Variants in PJA2 observed in about 807,000 individuals in gnomAD.
The protein encoded by PJA2 is praja ring finger ubiquitin ligase 2, also known as E3 ubiquitin-protein ligase Praja-2.
In PJA2, 25 loss-of-function variants were observed where a neutral mutation model predicts 69.3. The ratio of observed to expected loss-of-function variants is 0.36; its 90% confidence interval spans 0.26 to 0.50. The LOEUF (loss-of-function observed/expected upper bound fraction) is 0.50, where lower values mean the gene tolerates loss of function less well. Ranked by LOEUF, PJA2 falls within the 20% of genes least tolerant of loss-of-function variation. PJA2 has a pLI of 0.96. For missense variants in PJA2, 809 were observed against 830.2 expected (o/e 0.97, Z 0.31); for synonymous variants, 308 against 277.8 (o/e 1.11, Z -1.08).
intron 1 of PJA2, among the ~76,000 whole-genome samples, chr5:109,384,000 T>C (rs1422149433): frequency 1.3e-5 from 2 of 152,196 alleles, no homozygotes; most frequent in Admixed American, 1.3e-4. Flanking sequence ...AATACCAAAA[T>C]GGCTATGTGA....
chr5:109,362,389 T>C (rs977536098), intron 6 of PJA2, among the ~76,000 whole-genome samples: 3 of 130,246 alleles, frequency 2.3e-5, no homozygotes, highest in Non-Finnish European at 4.8e-5. Context: ...TCCTGGAAAG[T>C]AAAATTTTAT....
Position 109,378,308 on chromosome 5 carries a change from T to C in PJA2, c.1179A>G (p.Gln393=), listed in dbSNP as rs1169399474. The C allele has an allele frequency of 2.5e-6, 4 of 1,614,026 alleles. No homozygotes were observed. In the African/African-American group the frequency reaches 4.0e-5, roughly 16 times the overall value. Residue 393 remains glutamine, a synonymous_variant, in exon 4 of 10, where the codon CAA becomes CAG. Transcript: ENST00000361189. The part of the protein sequence containing the change: ...VITQRETENN[Q]MTSESGATAG... ...CTGTGGCTCCACTTTCTGATGTCAT[T>C]TGGTTATTTTCTGTTTCCCTTTGTG... is the stretch of plus-strand genomic sequence containing the variant.
At position 109,378,281 on chromosome 5, in the gene PJA2, T is replaced by A; in HGVS notation, c.1206A>T (p.Ala402=). 6.2e-7 allele frequency: 1 copy of A among 1,613,886 alleles called. No individual in the cohort carries two copies. Among genetic ancestry groups the A allele is most frequent in the Non-Finnish European group, 8.5e-7 (1 of 1,179,890 alleles). The change falls in exon 4 of 10, where the codon GCA becomes GCT. Residue 402 remains alanine (A), a synonymous_variant. Coordinates refer to ENST00000361189, the MANE Select transcript of PJA2 (RefSeq NM_014819.5). ...AGGTGTTATCCACCTCTTGCCTTCCTGCTGTGGCTCCACTTTCTGATGTCA... is the reference window on the plus strand; with the variant it reads ...AGGTGTTATCCACCTCTTGCCTTCCAGCTGTGGCTCCACTTTCTGATGTCA... ...NQMTSESGAT[A]GRQEVDNTFW...
intron 7 of PJA2, among the ~76,000 whole-genome samples, chr5:109,354,387 T>G (rs1317283266): frequency 7.2e-6 from 1 of 138,640 alleles, no homozygotes; most frequent in African/African-American, 2.9e-5. Flanking sequence ...AGATTAGATA[T>G]CTCTGATATC....
intron 1 of PJA2, among the ~76,000 whole-genome samples, chr5:109,406,394 C>T (rs750205146): frequency 1.3e-4 from 20 of 152,138 alleles, no homozygotes; most frequent in Admixed American, 1.0e-3. Context: ...ACAGATACTT[C>T]ACAAAGGAAG....
At position 109,381,624 on chromosome 5, in the gene PJA2, T is replaced by G; in HGVS notation, c.111A>C (p.Gly37=). 3.1e-6 allele frequency: 5 copies of G among 1,614,118 alleles called. No individual in the cohort carries two copies. The highest frequency in any genetic ancestry group is 4.2e-6 in the Non-Finnish European group (5 of 1,180,002). ...TAAAACTGACATAAGCATGTCTTCTTCCATATCTCCTGCCTGTAATTGTCT... is the reference window on the plus strand; with the variant it reads ...TAAAACTGACATAAGCATGTCTTCTGCCATATCTCCTGCCTGTAATTGTCT... The part of the protein sequence containing the change: ...GYQTITGRRY[G]RRHAYVSFKP... Residue 37 remains glycine, a synonymous_variant, in exon 3 of 10, where the codon GGA becomes GGC. Coordinates refer to ENST00000361189, the MANE Select transcript of PJA2 (RefSeq NM_014819.5).
chr5:109,376,812 T>C (rs1233819251), intron 4 of PJA2, among the ~76,000 whole-genome samples: 1 of 152,172 alleles, frequency 6.6e-6, no homozygotes, highest in Non-Finnish European at 1.5e-5. Context: ...GATTTAGAAC[T>C]ACTACTTAAC....
chr5:109,386,243 G>A (rs1284587898), intron 1 of PJA2, among the ~76,000 whole-genome samples: 1 of 152,178 alleles, frequency 6.6e-6, no homozygotes, highest in Non-Finnish European at 1.5e-5. Flanking sequence ...AAATACTGAA[G>A]TGTGAACACC....
chr5:109,363,202 T>TATA (rs1325908878), intron 5 of PJA2, among the ~76,000 whole-genome samples, 180 bp from the exon 6 acceptor site: 1 of 152,200 alleles, frequency 6.6e-6, no homozygotes, highest in Non-Finnish European at 1.5e-5. Context: ...AGAAATCAGT[T>TATA]ATAGGGTCAT....
At chr5:109,381,416 C>T (rs1029928248) in intron 3 of PJA2, 87 bp downstream of exon 3, 1 of 953,912 alleles carries the variant, frequency 1.0e-6, no homozygotes. Context: ...CACTCACAGA[C>T]ATGCATAATA....
chr5:109,387,023 T>C (rs912902291), intron 1 of PJA2, among the ~76,000 whole-genome samples: 20 of 152,286 alleles, frequency 1.3e-4, no homozygotes, highest in African/African-American at 4.6e-4. Context: ...TCCTCACTAC[T>C]TTTTCTTTAT....
At chr5:109,342,038 C>T (rs1364327217) in intron 9 of PJA2, among the ~76,000 whole-genome samples, 12 of 125,376 alleles carry the variant, frequency 9.6e-5, no homozygotes, top group Non-Finnish European at 1.2e-4. Context: ...CCGCCCCGTC[C>T]GGGAGGGAGG....
intron 7 of PJA2, among the ~76,000 whole-genome samples, chr5:109,352,558 G>T (rs921108039): frequency 6.6e-6 from 1 of 152,024 alleles, no homozygotes; most frequent in Non-Finnish European, 1.5e-5. Flanking sequence ...AATCCTAATT[G>T]TATCCTATCT....
At chr5:109,389,110 A>C (rs1375043651) in intron 1 of PJA2, among the ~76,000 whole-genome samples, 1 of 152,176 alleles carries the variant, frequency 6.6e-6, no homozygotes, top group Non-Finnish European at 1.5e-5. Flanking sequence ...GGCTTAAAAT[A>C]GTCTCGTCAT....
At chr5:109,397,984 G>A (rs1236353036) in intron 1 of PJA2, among the ~76,000 whole-genome samples, 3 of 152,274 alleles carry the variant, frequency 2.0e-5, no homozygotes, top group East Asian at 3.9e-4. Context: ...ATCAAAAAGT[G>A]GGTGAAGGAT....
intron 7 of PJA2, among the ~76,000 whole-genome samples, chr5:109,353,979 T>C (rs181202570): frequency 1.5e-5 from 2 of 136,902 alleles, no homozygotes; most frequent in South Asian, 2.4e-4. Flanking sequence ...GAGATATCTA[T>C]AGATTAGATA....
At position 109,364,390 on chromosome 5, in the gene PJA2, G is replaced by A. The variant is rs562839717; in HGVS notation, c.1470-1368C>T. Among the ~76,000 whole-genome samples the A allele has an allele frequency of 4.2e-3, 634 of 151,952 alleles. 2 individuals carry two copies. Among genetic ancestry groups the A allele is most frequent in the Non-Finnish European group, 6.7e-3 (452 of 67,912 alleles). The stretch of plus-strand genomic sequence containing the variant: ...TGTAATCCCAGCACTTTGGGAGGCC[G>A]AGGCGGGCGGATCACGAGGTCAGGA... On this transcript the variant is annotated intron_variant, in intron 5 of 9. Coordinates refer to ENST00000361189, the MANE Select transcript of PJA2 (RefSeq NM_014819.5).
chr5:109,335,185 T>C lies in PJA2; in HGVS notation c.*2046A>G, dbSNP rs561199751. 3 of 152,784 alleles carry C rather than the reference T, an allele frequency of 2.0e-5. No individual in the cohort carries two copies. The highest frequency in any genetic ancestry group is 7.2e-5 in the African/African-American group (3 of 41,602). The allele number at this position is 152,784 out of a possible 1,614,324, so 9.5% of individuals were successfully genotyped here. A position where few individuals can be genotyped will look rare whatever the true frequency, so the allele number is the denominator to read the frequency against. ...CCAGAGCTTGTTACCATGAAAATCC[T>C]AAAACCTCAATTTTCTTTTTCTTTT... On this transcript the variant is annotated 3_prime_UTR_variant, in exon 10 of 10. Transcript: ENST00000361189.
At chr5:109,391,926 A>G (rs544556458) in intron 1 of PJA2, among the ~76,000 whole-genome samples, 1 of 152,342 alleles carries the variant, frequency 6.6e-6, no homozygotes, top group African/African-American at 2.4e-5. Context: ...GATGCAGAAT[A>G]TTACTCACAG....
Sources: gnomAD v4.1 joint callset for allele counts (sites outside exome capture counted in the v4.1 genomes callset) on GRCh38, gnomAD v4.1.1 for gene constraint, MANE v1.5 for transcripts, NCBI Gene and HGNC (gene_info 2026-07-23, HGNC 2026-07-21) for gene names.